Variants in ENOX1 observed in about 807,000 individuals in gnomAD.
The protein encoded by ENOX1 is ecto-NOX disulfide-thiol exchanger 1.
Under a neutral mutation model 82.5 loss-of-function variants are expected in ENOX1, and 42 were observed. The ratio of observed to expected loss-of-function variants is 0.51; its 90% CI spans 0.40 to 0.66. ENOX1 has a LOEUF of 0.66. Among genes scored for constraint, ENOX1 ranks in the 30% least tolerant of loss-of-function variants. ENOX1 has a pLI of 0.00. For missense variants in ENOX1, 608 were observed against 811.6 expected (o/e 0.75, Z 3.05); for synonymous variants, 271 against 282.2 (o/e 0.96, Z 0.40).
intron 5 of ENOX1, among the ~76,000 whole-genome samples, chr13:43,400,054 C>G (rs112832347): frequency 1.0e-3 from 158 of 152,194 alleles, no homozygotes; most frequent in African/African-American, 3.7e-3. Context: ...GTGCCCTTGT[C>G]CTTTCATTCT....
chr13:43,673,961 C>T lies in ENOX1; in HGVS notation c.-284-6417G>A, dbSNP rs188691479. The stretch of plus-strand genomic sequence containing the variant: ...CCACCAAGGCTACCAAACTGCCATT[C>T]GCCTGGAGACCCATTAAATTCAGCA... On this transcript the variant is annotated intron_variant, in intron 1 of 16. Transcript: ENST00000690772. 3.9e-4 allele frequency among the ~76,000 whole-genome samples: 60 copies of T among 152,304 alleles called. No individual in the cohort carries two copies. The East Asian group carries it at 7.3e-3, about 19-fold the overall frequency.
chr13:43,363,299 G>A (rs2050643758), intron 5 of ENOX1, among the ~76,000 whole-genome samples: 1 of 152,116 alleles, frequency 6.6e-6, no homozygotes, highest in South Asian at 2.1e-4. Context: ...GAGTCAGAAT[G>A]AGGGCCCAGG....
At chr13:43,697,389 C>A (rs1348535969) in intron 1 of ENOX1, among the ~76,000 whole-genome samples, 4 of 152,176 alleles carry the variant, frequency 2.6e-5, no homozygotes, top group Non-Finnish European at 4.4e-5. Flanking sequence ...AAGACCAGGA[C>A]AAGGCCATGC....
chr13:43,450,423 C>T (rs2056898882), intron 3 of ENOX1, among the ~76,000 whole-genome samples: 1 of 152,048 alleles, frequency 6.6e-6, no homozygotes, highest in East Asian at 1.9e-4. Flanking sequence ...AGGTGACTGT[C>T]ATTGAGAGGA....
intron 14 of ENOX1, among the ~76,000 whole-genome samples, chr13:43,254,148 G>A (rs1235443213): frequency 6.6e-6 from 1 of 152,126 alleles, no homozygotes; most frequent in Non-Finnish European, 1.5e-5. Flanking sequence ...TTTCTCGAGA[G>A]GATGGACAAG....
intron 13 of ENOX1, among the ~76,000 whole-genome samples, chr13:43,267,292 C>A (rs921599586): frequency 9.9e-5 from 15 of 152,218 alleles, no homozygotes; most frequent in African/African-American, 3.6e-4. Context: ...AGGAAGCTAT[C>A]CTCATTGTAA....
At chr13:43,412,338 T>C (rs900806399) in intron 4 of ENOX1, among the ~76,000 whole-genome samples, 2 of 152,176 alleles carry the variant, frequency 1.3e-5, no homozygotes, top group African/African-American at 2.4e-5. Context: ...CTTCTCCCAG[T>C]GAAACAACGT....
intron 3 of ENOX1, among the ~76,000 whole-genome samples, chr13:43,432,187 T>A (rs2055712661): frequency 6.6e-6 from 1 of 152,196 alleles, no homozygotes; most frequent in Non-Finnish European, 1.5e-5. Context: ...ATCTTTTCTA[T>A]GGCAGTCGTC....
At chr13:43,674,590 G>A (rs1455220353) in intron 1 of ENOX1, among the ~76,000 whole-genome samples, 2 of 152,104 alleles carry the variant, frequency 1.3e-5, no homozygotes, top group African/African-American at 4.8e-5. Context: ...GGAGGGAAGG[G>A]AGGGAGGAAT....
At chr13:43,739,438 A>G (rs1230097848) in intron 1 of ENOX1, among the ~76,000 whole-genome samples, 1 of 152,040 alleles carries the variant, frequency 6.6e-6, no homozygotes, top group Non-Finnish European at 1.5e-5. Context: ...AGTCCCAGCT[A>G]CTTGGGAGGC....
intron 14 of ENOX1, among the ~76,000 whole-genome samples, chr13:43,259,087 A>G (rs2043912335): frequency 6.6e-6 from 1 of 152,194 alleles, no homozygotes; most frequent in Non-Finnish European, 1.5e-5. Context: ...ACACATGCTG[A>G]TCACATCAGC....
intron 2 of ENOX1, among the ~76,000 whole-genome samples, chr13:43,527,569 A>G (rs2153686225): frequency 6.6e-6 from 1 of 152,274 alleles, no homozygotes; most frequent in South Asian, 2.1e-4. Flanking sequence ...TTCATTACAT[A>G]GCTAATTTCA....
chr13:43,781,893 A>C (rs145094595), intron 1 of ENOX1, among the ~76,000 whole-genome samples: 14 of 152,340 alleles, frequency 9.2e-5, no homozygotes, highest in African/African-American at 3.1e-4. Flanking sequence ...GAGTGAGAAA[A>C]TATGCCTTCC....
chr13:43,246,244 G>A (rs917136073), intron 14 of ENOX1, among the ~76,000 whole-genome samples: 2 of 152,198 alleles, frequency 1.3e-5, no homozygotes, highest in Non-Finnish European at 2.9e-5. Context: ...CTTGCCCAAG[G>A]TCACAAAACT....
intron 1 of ENOX1, among the ~76,000 whole-genome samples, chr13:43,683,125 C>T (rs1259327473): frequency 6.6e-6 from 1 of 152,148 alleles, no homozygotes; most frequent in African/African-American, 2.4e-5. Context: ...ATGGCAGACA[C>T]TCTACTGAGA....
chr13:43,566,090 C>T (rs8002423), intron 2 of ENOX1, among the ~76,000 whole-genome samples: 1,595 of 152,288 alleles, frequency 0.01, 31 homozygotes, highest in African/African-American at 0.037. Context: ...TTTTCCTGAG[C>T]CAAGTTTCAA....
chr13:43,415,310 G>A (rs1303024984), intron 3 of ENOX1, among the ~76,000 whole-genome samples: 1 of 147,542 alleles, frequency 6.8e-6, no homozygotes, highest in Non-Finnish European at 1.5e-5. Flanking sequence ...GATGTGGCAG[G>A]GTCACAGGAT....
chr13:43,718,414 A>G (rs1361658774), intron 1 of ENOX1, among the ~76,000 whole-genome samples: 3 of 152,130 alleles, frequency 2.0e-5, no homozygotes, highest in African/African-American at 7.2e-5. Flanking sequence ...ATGGGTTGAA[A>G]AAGCCACCTA....
chr13:43,714,301 T>C (rs1277545565), intron 1 of ENOX1, among the ~76,000 whole-genome samples: 5 of 152,172 alleles, frequency 3.3e-5, no homozygotes, highest in African/African-American at 9.7e-5. Context: ...ATTTCTGTTC[T>C]TTTACATTTG....
Sources: gnomAD v4.1 joint callset for allele counts (sites outside exome capture counted in the v4.1 genomes callset) on GRCh38, gnomAD v4.1.1 for gene constraint, MANE v1.5 for transcripts, NCBI Gene and HGNC (gene_info 2026-07-23, HGNC 2026-07-21) for gene names.